Variants in COL6A5 observed in about 807,000 individuals in gnomAD.
COL6A5 encodes the protein collagen type VI alpha 5 chain, also known as collagen alpha-5(VI) chain.
COL6A5 carries 48 observed loss-of-function variants against 65.6 expected under a neutral mutation model. The ratio of observed to expected loss-of-function variants is 0.73; its 90% CI spans 0.58 to 0.93. The LOEUF (loss-of-function observed/expected upper bound fraction) is 0.93. Ranked by LOEUF, COL6A5 falls within the 40% of genes least tolerant of loss-of-function variation. The probability of loss-of-function intolerance (pLI) is 0.00; values close to 1 mark genes in which losing one functional copy is unlikely to be tolerated. For missense variants in COL6A5, 914 were observed against 928.3 expected, an observed-to-expected ratio of 0.98 and a Z score of 0.20; for synonymous variants, 291 against 322.8, an observed-to-expected ratio of 0.90 and a Z score of 1.05.
chr3:130,385,641 G>T (rs1936159964), intron 5 of COL6A5, among the ~76,000 whole-genome samples: 1 of 152,034 alleles, frequency 6.6e-6, no homozygotes, highest in Admixed American at 6.6e-5. Context: ...CTGCTGTGGA[G>T]TGAGAGAGAT....
chr3:130,384,869 A>C (rs1207793747), exon 5 of COL6A5: 1 of 1,550,688 alleles, frequency 6.4e-7, no homozygotes, highest in Non-Finnish European at 8.7e-7. Context: ...CATCCAGGAG[A>C]AACAGTTTGA....
chr3:130,431,553 C>T (rs1170384184), exon 1 of COL6A5: 1 of 1,551,598 alleles, frequency 6.4e-7, no homozygotes, highest in East Asian at 2.4e-5. Context: ...AAACACGGGA[C>T]ATCATCACTT....
intron 7 of COL6A5, chr3:130,477,338 A>C: frequency 2.7e-6 from 1 of 372,432 alleles, no homozygotes; most frequent in Non-Finnish European, 4.8e-6. Flanking sequence ...ATTATATCAA[A>C]TTATCACTTT....
intron 1 of COL6A5, among the ~76,000 whole-genome samples, chr3:130,362,601 T>C (rs1486457755): frequency 6.6e-6 from 1 of 152,102 alleles, no homozygotes; most frequent in Non-Finnish European, 1.5e-5. Context: ...TTTAAAATTG[T>C]ATTGTTTATT....
exon 11 of COL6A5, chr3:130,401,059 T>C (rs1381581567): frequency 6.4e-7 from 1 of 1,551,076 alleles, no homozygotes; most frequent in Non-Finnish European, 8.7e-7. Context: ...TAGTGTCCCT[T>C]AACACAACTG....
chr3:130,388,169 A>G (rs911355919), intron 5 of COL6A5, among the ~76,000 whole-genome samples: 1 of 152,122 alleles, frequency 6.6e-6, no homozygotes, highest in Non-Finnish European at 1.5e-5. Flanking sequence ...GTGTTTCTCC[A>G]GAATATACAT....
chr3:130,434,129 T>A (rs560305337), intron 1 of COL6A5, among the ~76,000 whole-genome samples: 1 of 152,290 alleles, frequency 6.6e-6, no homozygotes. Context: ...TGTTGTTCCC[T>A]CTCAGTGTCC....
intron 5 of COL6A5, among the ~76,000 whole-genome samples, chr3:130,387,819 A>G (rs959359017): frequency 1.3e-5 from 2 of 152,040 alleles, no homozygotes; most frequent in African/African-American, 4.8e-5. Context: ...TATACACAAC[A>G]TATGTATCAT....
chr3:130,388,892 G>A (rs1358216324), exon 6 of COL6A5: 30 of 1,548,270 alleles, frequency 1.9e-5, no homozygotes, highest in Middle Eastern at 1.7e-4. Flanking sequence ...AAGGGGGCCC[G>A]TTTGGGGGCC....
intron 5 of COL6A5, among the ~76,000 whole-genome samples, chr3:130,466,512 C>T (rs528040402): frequency 6.6e-6 from 1 of 151,726 alleles, no homozygotes; most frequent in Admixed American, 6.6e-5. Flanking sequence ...CCTATATTGA[C>T]AAAGAAGAAA....
intron 3 of COL6A5, 126 bp from the exon 36 acceptor site, chr3:130,443,350 G>A: frequency 6.3e-6 from 4 of 633,856 alleles, no homozygotes; most frequent in Non-Finnish European, 1.1e-5. Flanking sequence ...TTTCACCCCA[G>A]CCAAATTTTG....
chr3:130,455,859 C>G (rs16828190), intron 5 of COL6A5, among the ~76,000 whole-genome samples, 193 bp downstream of exon 37: 4,075 of 152,220 alleles, frequency 0.027, 117 homozygotes, highest in African/African-American at 0.072. Flanking sequence ...AGGGAGATCA[C>G]TGATAGAACC....
chr3:130,401,969 G>T, intron 12 of COL6A5, 115 bp downstream of exon 12: 1 of 723,964 alleles, frequency 1.4e-6, no homozygotes, highest in South Asian at 2.1e-5. Context: ...AATTGCTTTG[G>T]ACATTTCATG....
intron 5 of COL6A5, among the ~76,000 whole-genome samples, chr3:130,459,633 C>A (rs936224916): frequency 4.6e-5 from 7 of 152,086 alleles, no homozygotes; most frequent in African/African-American, 1.7e-4. Context: ...CTCATGCCCC[C>A]AAGTTTATGG....
At chr3:130,451,167 T>C (rs946405729) in intron 4 of COL6A5, among the ~76,000 whole-genome samples, 2 of 152,188 alleles carry the variant, frequency 1.3e-5, no homozygotes, top group Non-Finnish European at 2.9e-5. Context: ...TTTGTAACCC[T>C]TGGACGTTAG....
At chr3:130,442,922 C>G (rs1709218519) in intron 3 of COL6A5, among the ~76,000 whole-genome samples, 1 of 152,096 alleles carries the variant, frequency 6.6e-6, no homozygotes, top group South Asian at 2.1e-4. Flanking sequence ...CAGAATGGGA[C>G]AGGGTAACAT....
chr3:130,472,908 C>T (rs917428251), intron 7 of COL6A5, among the ~76,000 whole-genome samples: 9 of 139,704 alleles, frequency 6.4e-5, no homozygotes, highest in Middle Eastern at 7.5e-3. Flanking sequence ...TATATACACA[C>T]ATACATAAAC....
At chr3:130,442,434 A>G (rs115310807) in intron 3 of COL6A5, among the ~76,000 whole-genome samples, 220 of 152,234 alleles carry the variant, frequency 1.4e-3, no homozygotes, top group African/African-American at 5.2e-3. Flanking sequence ...ATATTTGTAA[A>G]AGACTATAAA....
chr3:130,411,213 C>T (rs28497486), intron 20 of COL6A5, among the ~76,000 whole-genome samples: 1,604 of 152,224 alleles, frequency 0.011, 18 homozygotes, highest in African/African-American at 0.028. Flanking sequence ...ACCAAGAAAT[C>T]GCCTTTCCTT....
Sources: gnomAD v4.1 joint callset for allele counts (sites outside exome capture counted in the v4.1 genomes callset) on GRCh38, gnomAD v4.1.1 for gene constraint, MANE v1.5 for transcripts, NCBI Gene and HGNC (gene_info 2026-07-23, HGNC 2026-07-21) for gene names.